Variants in DYNC2LI1 observed in about 807,000 individuals in gnomAD.
The protein encoded by DYNC2LI1 is dynein cytoplasmic 2 light intermediate chain 1, also known as cytoplasmic dynein 2 light intermediate chain 1.
Under a neutral mutation model 51.9 loss-of-function variants are expected in DYNC2LI1, and 45 were observed. The ratio of observed to expected loss-of-function variants is 0.87; its 90% confidence interval spans 0.68 to 1.11. The LOEUF is 1.11. DYNC2LI1 is among the 50% of genes most tolerant of loss of function. DYNC2LI1 has a pLI of 0.00. For synonymous variants in DYNC2LI1, 130 were observed against 137.8 expected (o/e 0.94, Z 0.40); for missense variants, 490 against 417.4 (o/e 1.17, Z -1.51).
chr2:43,797,888 G>A (rs1665937756), intron 8 of DYNC2LI1, among the ~76,000 whole-genome samples: 1 of 152,116 alleles, frequency 6.6e-6, no homozygotes, highest in South Asian at 2.1e-4. Flanking sequence ...CACTTTGGGA[G>A]GCTAAGGCGA....
the DYNC2LI1 span, among the ~76,000 whole-genome samples, chr2:43,816,684 C>T: frequency 6.6e-6 from 1 of 152,174 alleles, no homozygotes; most frequent in East Asian, 1.9e-4. Context: ...GCTGAAATTA[C>T]AGGCACGTGA....
rs1665868886 is a variant in DYNC2LI1, at chr2:43,796,745, A to G, written c.604A>G (p.Ile202Val). 1 of 1,613,466 alleles carries G rather than the reference A, an allele frequency of 6.2e-7. No individual in the cohort carries two copies. Among genetic ancestry groups the G allele is most frequent in the Admixed American group, 1.7e-5 (1 of 59,994 alleles). ...QDFESEKRKV[I>V]CKTLRFVAHY... The stretch of plus-strand genomic sequence containing the variant: ...TTTTGAGTCTGAGAAGAGAAAGGTA[A>G]TATGCAAGACACTTCGATTTGTTGC... The change falls in exon 8 of 13, where the codon ATA (isoleucine) becomes GTA (valine). Residue 202 changes from isoleucine (I) to valine (V), a missense_variant. By Grantham distance (29) the Ile-to-Val change is conservative (BLOSUM62 3). Coordinates refer to ENST00000260605, the MANE Select transcript of DYNC2LI1 (RefSeq NM_016008.4).
intron 2 of DYNC2LI1, among the ~76,000 whole-genome samples, chr2:43,777,373 C>G (rs1673072279): frequency 1.3e-5 from 2 of 152,134 alleles, no homozygotes; most frequent in Non-Finnish European, 2.9e-5. Context: ...TAGGAAGGGA[C>G]CCCTCCCCAC....
chr2:43,794,537 C>G lies in DYNC2LI1; in HGVS notation c.401C>G (p.Thr134Arg). The G allele has an allele frequency of 6.2e-7, 1 of 1,613,950 alleles. No homozygotes were observed. Among genetic ancestry groups the G allele is most frequent in the Non-Finnish European group, 8.5e-7 (1 of 1,179,972 alleles). ...ACCATGGAAAATCTCTTGCAAGCCA[C>G]AAAAAGCCATGTAGACAAAGTGATA... ...WPTMENLLQA[T>R]KSHVDKVIMK... Residue 134 changes from threonine to arginine, a missense_variant, in exon 6 of 13, where the codon ACA becomes AGA. By Grantham distance (71) the Thr-to-Arg change is moderately conservative. Transcript: ENST00000260605.
At chr2:43,813,883 T>G (rs1666648473), downstream of DYNC2LI1, among the ~76,000 whole-genome samples, 1 of 151,864 alleles carries the variant, frequency 6.6e-6, no homozygotes, top group Non-Finnish European at 1.5e-5. Flanking sequence ...CACGCCTGGC[T>G]AATTTTTGTA....
chr2:43,826,395 G>A, the DYNC2LI1 span: 1 of 1,613,912 alleles, frequency 6.2e-7, no homozygotes, highest in Non-Finnish European at 8.5e-7. Flanking sequence ...AAAAAGCTCA[G>A]AACGGGGCTG....
At chr2:43,796,968 A>G (rs776450382) in intron 8 of DYNC2LI1, among the ~76,000 whole-genome samples, 173 bp downstream of exon 8, 1 of 152,238 alleles carries the variant, frequency 6.6e-6, no homozygotes, top group Non-Finnish European at 1.5e-5. Flanking sequence ...CATCTGTTGA[A>G]CATGCACTGC....
chr2:43,822,391 T>C, the DYNC2LI1 span: 1 of 367,318 alleles, frequency 2.7e-6, no homozygotes, highest in Non-Finnish European at 3.8e-6. Context: ...ACCCTCTGCC[T>C]CCTCTGTTGG....
chr2:43,803,094 C>G (rs1215350288), intron 10 of DYNC2LI1, among the ~76,000 whole-genome samples: 1 of 152,162 alleles, frequency 6.6e-6, no homozygotes, highest in Admixed American at 6.5e-5. Context: ...TACAGCCACT[C>G]TAGAAAACAG....
intron 2 of DYNC2LI1, 44 bp from the exon 3 acceptor site, chr2:43,783,476 T>G (rs1000942449): frequency 7.2e-7 from 1 of 1,390,182 alleles, no homozygotes; most frequent in African/African-American, 1.5e-5. Flanking sequence ...AATTTTTACA[T>G]ATGAGTGACA....
At chr2:43,823,302 G>A in the DYNC2LI1 span, among the ~76,000 whole-genome samples, 1 of 66,424 alleles carries the variant, frequency 1.5e-5, no homozygotes, top group Non-Finnish European at 2.7e-5. Flanking sequence ...ACCACCAGCA[G>A]CCTGCATTTT....
chr2:43,775,854 A>ATTTTTTTTTTTTTTTTTTTT lies in DYNC2LI1; in HGVS notation c.9-917_9-898dup, dbSNP rs57868887. 1.4e-4 allele frequency: 7 copies of ATTTTTTTTTTTTTTTTTTTT among 49,276 alleles called. 1 individual carries two copies. The highest frequency in any genetic ancestry group is 5.4e-4 in the African/African-American group (6 of 11,180). 3.1% of individuals were successfully genotyped at this position (49,276 alleles called of 1,614,324 possible). A position where few individuals can be genotyped will look rare whatever the true frequency, so the allele number is the denominator to read the frequency against. ...AGACACCCGCCACCACACCTGGCCA[A>ATTTTTTTTTTTTTTTTTTTT]TTTTTTTTTTTTTTTTTTTTTTTTT... is the stretch of plus-strand genomic sequence containing the variant. On this transcript the variant is annotated intron_variant, in intron 1 of 12. Coordinates refer to ENST00000260605, the MANE Select transcript of DYNC2LI1 (RefSeq NM_016008.4).
chr2:43,792,708 C>T (rs1286812723), intron 5 of DYNC2LI1: 1 of 1,548,790 alleles, frequency 6.5e-7, no homozygotes, highest in Non-Finnish European at 8.7e-7. Flanking sequence ...CTGCCTGTCT[C>T]TATGAATTTG....
At chr2:43,798,215 C>T (rs988960297) in intron 8 of DYNC2LI1, among the ~76,000 whole-genome samples, 2 of 152,124 alleles carry the variant, frequency 1.3e-5, no homozygotes, top group African/African-American at 2.4e-5. Flanking sequence ...ATGGTCTAGC[C>T]GCTTGCTTTC....
intron 12 of DYNC2LI1, among the ~76,000 whole-genome samples, chr2:43,806,039 C>G (rs1259021424): frequency 1.3e-5 from 2 of 151,992 alleles, no homozygotes; most frequent in Non-Finnish European, 2.9e-5. Flanking sequence ...TGCCACCACA[C>G]CTGGCTAATT....
At position 43,787,119 on chromosome 2, in the gene DYNC2LI1, G is replaced by A. The variant is rs1673559738; in HGVS notation, c.162-62G>A. The A allele has an allele frequency of 8.2e-6, 11 of 1,345,462 alleles. No individual in the cohort carries two copies. In the South Asian group the frequency reaches 1.3e-4, roughly 16 times the overall value. The allele number at this position is 1,345,462 out of a possible 1,614,324, so 83.3% of individuals were successfully genotyped here. On this transcript the variant is annotated intron_variant, in intron 3 of 12. Transcript: ENST00000260605. ...GAGGAAGGAAAAATGAATCAGGTAA[G>A]GTGATAGCATAAGAAACTAATACCA...
downstream of DYNC2LI1, among the ~76,000 whole-genome samples, chr2:43,813,524 T>A (rs1666598105): frequency 6.6e-6 from 1 of 152,094 alleles, no homozygotes; most frequent in Non-Finnish European, 1.5e-5. Flanking sequence ...TGGGTATAGA[T>A]TCATTACCAT....
At chr2:43,780,020 A>G (rs1200143308) in intron 2 of DYNC2LI1, among the ~76,000 whole-genome samples, 3 of 152,144 alleles carry the variant, frequency 2.0e-5, no homozygotes, top group Non-Finnish European at 2.9e-5. Context: ...ATGATAAACT[A>G]TGGGCTCTGA....
At chr2:43,828,046 C>G in the DYNC2LI1 span, 3 of 1,614,154 alleles carry the variant, frequency 1.9e-6, no homozygotes, top group Middle Eastern at 3.3e-4. Flanking sequence ...GAAATGCCCC[C>G]CAAGCTGTAG....
Sources: gnomAD v4.1 joint callset for allele counts (sites outside exome capture counted in the v4.1 genomes callset) on GRCh38, gnomAD v4.1.1 for gene constraint, MANE v1.5 for transcripts, NCBI Gene and HGNC (gene_info 2026-07-23, HGNC 2026-07-21) for gene names.